ANKRD36: variants seen among roughly 807,000 people sequenced by gnomAD.
The protein encoded by ANKRD36 is ankyrin repeat domain-containing protein 36A.
Under a neutral mutation model 278.1 loss-of-function variants are expected in ANKRD36, and 179 were observed. The ratio of observed to expected loss-of-function variants is 0.64; its 90% CI spans 0.57 to 0.73. The LOEUF (loss-of-function observed/expected upper bound fraction) is 0.73. ANKRD36 is among the 30% of genes least tolerant of loss of function. The pLI, the probability that ANKRD36 is intolerant of heterozygous loss-of-function variation, is 0.00. For synonymous variants in ANKRD36, 320 were observed against 641.1 expected (o/e 0.50, Z 7.57); for missense variants, 1,159 against 1,956.7 (o/e 0.59, Z 7.69).
chr2:97,203,759 TC>T (rs1381998272), intron 48 of ANKRD36, among the ~76,000 whole-genome samples: 5 of 151,830 alleles, frequency 3.3e-5, no homozygotes, highest in Non-Finnish European at 7.4e-5. Context: ...GAGTTGCTCC[TC>T]TGATTTTAGA....
chr2:97,201,748 C>T (rs2061431960), intron 46 of ANKRD36, among the ~76,000 whole-genome samples: 1 of 151,884 alleles, frequency 6.6e-6, no homozygotes, highest in Non-Finnish European at 1.5e-5. Flanking sequence ...AATTGTGTGC[C>T]TTCTCAGTTA....
Position 97,207,971 on chromosome 2 carries a change from C to G in ANKRD36, c.3230C>G (p.Ala1077Gly). The G allele has an allele frequency of 1.3e-6, 2 of 1,523,788 alleles. No individual in the cohort carries two copies. The highest frequency in any genetic ancestry group is 1.8e-6 in the Non-Finnish European group (2 of 1,133,204). The allele number at this position is 1,523,788 out of a possible 1,614,324, so 94.4% of individuals were successfully genotyped here. ...SAEKDSVLNI[A>G]RGKKYGEKTK... Reference sequence around the variant, plus strand: ...GAGAAAGATTCTGTTTTGAATATAGCCAGAGGAAAAAAGTATGGAGAAAAA... The same window carrying G: ...GAGAAAGATTCTGTTTTGAATATAGGCAGAGGAAAAAAGTATGGAGAAAAA... Residue 1077 changes from alanine (A) to glycine (G), a missense_variant, in exon 54 of 76, where the codon GCC becomes GGC. Ala to Gly is a moderately conservative substitution (Grantham distance 60). Coordinates refer to ENST00000420699, the MANE Select transcript of ANKRD36 (RefSeq NM_001354587.1).
intron 22 of ANKRD36, among the ~76,000 whole-genome samples, chr2:97,171,265 G>C (rs1179541073): frequency 7.0e-6 from 1 of 142,474 alleles, no homozygotes; most frequent in African/African-American, 2.6e-5. Context: ...TGTTTATTGC[G>C]GCACTATTCA....
chr2:97,192,301 A>G (rs1199629236), intron 36 of ANKRD36, among the ~76,000 whole-genome samples: 1 of 151,806 alleles, frequency 6.6e-6, no homozygotes, highest in East Asian at 2.0e-4. Context: ...AATATTATCT[A>G]CTAGGTATCA....
At chr2:97,224,392 G>A (rs1203804384) in intron 66 of ANKRD36, among the ~76,000 whole-genome samples, 7 of 151,322 alleles carry the variant, frequency 4.6e-5, no homozygotes, top group South Asian at 2.1e-4. Flanking sequence ...ATTAAGCTTC[G>A]TTGAAACACT....
intron 56 of ANKRD36, among the ~76,000 whole-genome samples, chr2:97,210,689 A>T (rs2064226284): frequency 6.6e-6 from 1 of 151,882 alleles, no homozygotes; most frequent in Non-Finnish European, 1.5e-5. Context: ...GATACTCCCA[A>T]AAAGACTATT....
chr2:97,211,595 A>G, intron 57 of ANKRD36, 21 bp downstream of exon 57: 1 of 1,606,098 alleles, frequency 6.2e-7, no homozygotes, highest in Non-Finnish European at 8.5e-7. Flanking sequence ...TCTCATTTAT[A>G]TTTTGAACTA....
chr2:97,191,068 T>A, intron 35 of ANKRD36, 41 bp from the exon 36 acceptor site: 1 of 1,593,074 alleles, frequency 6.3e-7, no homozygotes. Flanking sequence ...ATATACTTCA[T>A]TGATTTATTT....
intron 5 of ANKRD36, 115 bp downstream of exon 5, chr2:97,124,712 G>A: frequency 6.3e-6 from 8 of 1,275,130 alleles, no homozygotes; most frequent in Non-Finnish European, 7.4e-6. Flanking sequence ...TAGTTTTCAA[G>A]TGACAAATTT....
chr2:97,193,936 T>A (rs2059101606), intron 38 of ANKRD36, among the ~76,000 whole-genome samples: 1 of 151,704 alleles, frequency 6.6e-6, no homozygotes, highest in African/African-American at 2.4e-5. Context: ...TCATTTTCAA[T>A]GAATATTGCA....
Position 97,193,196 on chromosome 2 carries a change from G to C in ANKRD36, c.2449+143G>C, listed in dbSNP as rs372650332. The C allele has an allele frequency of 2.1e-5, 19 of 884,062 alleles. No individual in the cohort carries two copies. The Admixed American group carries it at 5.0e-4, about 23-fold the overall frequency. 54.8% of individuals were successfully genotyped at this position (884,062 alleles called of 1,614,324 possible). On this transcript the variant is annotated intron_variant, in intron 38 of 75. Coordinates refer to ENST00000420699, the MANE Select transcript of ANKRD36 (RefSeq NM_001354587.1). ...GATTCTTCATTTCAAATAAGTTCTT[G>C]GGTGATGCTGATGCTGCTGGTCTGG...
intron 14 of ANKRD36, among the ~76,000 whole-genome samples, chr2:97,153,117 T>A (rs370911003): frequency 7.2e-5 from 11 of 152,188 alleles, no homozygotes; most frequent in African/African-American, 2.7e-4. Context: ...CTTACTGTGC[T>A]TGGAGAATAT....
At chr2:97,218,919 A>G in intron 64 of ANKRD36, 131 bp from the exon 65 acceptor site, 2 of 1,388,492 alleles carry the variant, frequency 1.4e-6, no homozygotes, top group East Asian at 2.7e-5. Context: ...CCAAAGAAAC[A>G]AACTAGAAAA....
intron 22 of ANKRD36, among the ~76,000 whole-genome samples, chr2:97,178,202 A>G (rs1369459942): frequency 1.3e-5 from 2 of 151,312 alleles, no homozygotes; most frequent in Non-Finnish European, 3.0e-5. Context: ...GGATGTGGAG[A>G]AATAGGAACA....
At position 97,196,731 on chromosome 2, in the gene ANKRD36, G is replaced by A. The variant is rs1430137969; in HGVS notation, c.2596G>A (p.Glu866Lys). ...PPTLKGTSDE[E>K]DSVLGIAREN... is the part of the protein sequence containing the mutation. ...TTCCATTCAGGGTACAAGTGACGAG[G>A]AAGATTCTGTTTTGGGTATAGCCAG... Residue 866 changes from glutamate (E) to lysine (K), a missense_variant, in exon 42 of 76, where the codon GAA becomes AAA. Physicochemically the swap from Glu to Lys is moderately conservative, Grantham distance 56 (BLOSUM62 1). Coordinates refer to ENST00000420699, the MANE Select transcript of ANKRD36 (RefSeq NM_001354587.1). 1.9e-6 allele frequency: 3 copies of A among 1,559,286 alleles called. No individual in the cohort carries two copies. Among genetic ancestry groups the A allele is most frequent in the Admixed American group, 1.9e-5 (1 of 51,826 alleles).
rs1341063453 is a variant in ANKRD36 at position 97,206,711 on chromosome 2, G to T, written c.3163+576G>T. ...TGGAATATTTTAATAAAAAGTACTT[G>T]ATTTTGGCTGCTTCAGGAACTGCTG... On this transcript the variant is annotated intron_variant, in intron 52 of 75. Transcript: ENST00000420699. 4.0e-5 allele frequency among the ~76,000 whole-genome samples: 6 copies of T among 151,434 alleles called. No homozygotes were observed. The Admixed American group carries it at 4.0e-4, about 10-fold the overall frequency.
At chr2:97,168,015 G>A (rs76756403) in intron 22 of ANKRD36, among the ~76,000 whole-genome samples, 3,282 of 111,486 alleles carry the variant, frequency 0.029, no homozygotes, top group African/African-American at 0.056. Context: ...ATCCCAATGT[G>A]GAATTTGTGT....
chr2:97,175,072 T>G (rs2153527684), intron 22 of ANKRD36, among the ~76,000 whole-genome samples: 1 of 147,218 alleles, frequency 6.8e-6, no homozygotes, highest in East Asian at 2.0e-4. Context: ...ATCAAGGATA[T>G]TGGTCTAAAA....
chr2:97,220,294 C>G (rs2067055705), intron 66 of ANKRD36, among the ~76,000 whole-genome samples: 1 of 149,086 alleles, frequency 6.7e-6, no homozygotes, highest in African/African-American at 2.5e-5. Flanking sequence ...TTATTGCTGA[C>G]TGTAGTCATG....
Sources: allele counts gnomAD v4.1 joint callset (sites outside exome capture counted in the v4.1 genomes callset), GRCh38; gene constraint gnomAD v4.1.1; transcripts MANE v1.5; gene names NCBI Gene and HGNC (gene_info 2026-07-23, HGNC 2026-07-21).